Variants in GAD2 observed in about 807,000 individuals in gnomAD.
GAD2 encodes the protein glutamate decarboxylase 2.
Under a neutral mutation model 80.1 loss-of-function variants are expected in GAD2, and 22 were observed. That is an observed-to-expected ratio of 0.27 (90% CI 0.20 to 0.39). GAD2 has a LOEUF of 0.39. Ranked by LOEUF, GAD2 falls within the 10% of genes least tolerant of loss-of-function variation. The pLI, the probability that GAD2 is intolerant of heterozygous loss-of-function variation, is 1.00. For synonymous variants in GAD2, 274 were observed against 256.9 expected (o/e 1.07, Z -0.64); for missense variants, 624 against 738.4 (o/e 0.85, Z 1.80).
chr10:26,241,287 G>C lies in GAD2; in HGVS notation c.841-4634G>C, dbSNP rs561841235. Among the ~76,000 whole-genome samples the C allele has an allele frequency of 8.5e-5, 13 of 152,246 alleles. No homozygotes were observed. In the East Asian group the frequency reaches 2.5e-3, roughly 29 times the overall value. On this transcript the variant is annotated intron_variant, in intron 7 of 15. Coordinates refer to ENST00000376261, the MANE Select transcript of GAD2 (RefSeq NM_001134366.2). Reference sequence around the variant, plus strand: ...CAAGCCATTTTATTAATGAACAACTGATCATTACAAGAGTCTTGATTATTT... The same window carrying C: ...CAAGCCATTTTATTAATGAACAACTCATCATTACAAGAGTCTTGATTATTT...
rs778915025 is a variant in GAD2, at chr10:26,281,103, C to T, written c.1236+16C>T. ...TAGAGAAGAGGTATGTCTCTCTTGA[C>T]TCTGTGTCCCAGTCCGTGCGTGGGC... On this transcript the variant is annotated intron_variant, in intron 12 of 15. Coordinates refer to ENST00000376261, the MANE Select transcript of GAD2 (RefSeq NM_001134366.2). The T allele has an allele frequency of 1.5e-4, 239 of 1,586,844 alleles. 1 individual carries two copies. Among genetic ancestry groups the T allele is most frequent in the Non-Finnish European group, 2.0e-4 (230 of 1,155,740 alleles).
rs1834336401 is a variant in GAD2, at chr10:26,302,292, C to T, written c.*1331C>T. ...TTCTTCCATGAAATGAGCCTCTCAC[C>T]CTAGATTTTGAGGCATTATCTTAAG... is the stretch of plus-strand genomic sequence containing the variant. On this transcript the variant is annotated 3_prime_UTR_variant, in exon 16 of 16. Transcript: ENST00000376261. 2.6e-5 allele frequency: 4 copies of T among 151,900 alleles called. No homozygotes were observed. Among genetic ancestry groups the T allele is most frequent in the Non-Finnish European group, 4.4e-5 (3 of 68,002 alleles). The allele number at this position is 151,900 out of a possible 1,614,324, so 9.4% of individuals were successfully genotyped here. A position where few individuals can be genotyped will look rare whatever the true frequency, so the allele number is the denominator to read the frequency against.
rs1013957783 is a variant in GAD2 at position 26,302,238 on chromosome 10, G to C, written c.*1277G>C. 24 of 151,926 alleles carry C rather than the reference G, an allele frequency of 1.6e-4. No individual in the cohort carries two copies. Among genetic ancestry groups the C allele is most frequent in the Non-Finnish European group, 2.9e-5 (2 of 67,998 alleles). The allele number at this position is 151,926 out of a possible 1,614,324, so 9.4% of individuals were successfully genotyped here. ...CTCCCTACCACTGGGACCCAAAATA[G>C]TTACTTTATATTCCATGGGTGGTTG... On this transcript the variant is annotated 3_prime_UTR_variant, in exon 16 of 16. Transcript: ENST00000376261.
intron 8 of GAD2, among the ~76,000 whole-genome samples, chr10:26,254,135 C>T (rs1342942829): frequency 4.6e-5 from 7 of 152,218 alleles, no homozygotes; most frequent in Non-Finnish European, 1.0e-4. Context: ...CTCCCAGGTT[C>T]CAGTGATTCT....
chr10:26,217,629 G>A lies in GAD2; in HGVS notation c.96G>A (p.Val32=), dbSNP rs1844393181. 2.5e-6 allele frequency: 4 copies of A among 1,613,444 alleles called. No individual in the cohort carries two copies. Among genetic ancestry groups the A allele is most frequent in the African/African-American group, 1.3e-5 (1 of 74,938 alleles). The part of the protein sequence containing the change: ...NPGTARAWCQ[V]AQKFTGGIGN... ...TTGCAGCGCGAGCCTGGTGCCAAGTGGCTCAGAAGTTCACGGGCGGCATCG... is the reference window on the plus strand; with the variant it reads ...TTGCAGCGCGAGCCTGGTGCCAAGTAGCTCAGAAGTTCACGGGCGGCATCG... Residue 32 remains valine (V), a synonymous_variant, in exon 2 of 16, where the codon GTG becomes GTA. Coordinates refer to ENST00000376261, the MANE Select transcript of GAD2 (RefSeq NM_001134366.2). This position sits in a 1 kb window ranked among gnomAD's most constrained non-coding sequence, Gnocchi z 4.9.
At chr10:26,274,761 G>T (rs1019343460) in intron 11 of GAD2, among the ~76,000 whole-genome samples, 109 of 152,208 alleles carry the variant, frequency 7.2e-4, no homozygotes, top group African/African-American at 2.6e-3. Flanking sequence ...CGTGAGTGTG[G>T]AAAGAGAGGG....
At position 26,286,471 on chromosome 10, in the gene GAD2, C is replaced by T; in HGVS notation, c.1363C>T (p.Leu455=). Residue 455 remains leucine (L), a synonymous_variant, in exon 13 of 16, where the codon CTA becomes TTA. Transcript: ENST00000376261. ...CGGACGCCACGTTGATGTTTTTAAA[C>T]TATGGCTGATGTGGAGGGCAAAGGT... ...QCGRHVDVFK[L]WLMWRAKGTT... The T allele has an allele frequency of 1.9e-6, 3 of 1,613,678 alleles. No individual in the cohort carries two copies. The highest frequency in any genetic ancestry group is 2.5e-6 in the Non-Finnish European group (3 of 1,179,838).
intron 5 of GAD2, among the ~76,000 whole-genome samples, 191 bp from the exon 6 acceptor site, chr10:26,224,348 A>G (rs780827787): frequency 2.1e-4 from 32 of 152,178 alleles, no homozygotes; most frequent in Admixed American, 1.4e-3. Context: ...GGAGCTCTTG[A>G]CTGTAGGGAT....
At chr10:26,250,593 A>T (rs952754863) in intron 8 of GAD2, among the ~76,000 whole-genome samples, 8 of 152,298 alleles carry the variant, frequency 5.3e-5, no homozygotes, top group Admixed American at 3.9e-4. Flanking sequence ...GGGAAAAAAT[A>T]AGGCCTACGA....
chr10:26,235,707 A>G (rs903006452), intron 7 of GAD2, among the ~76,000 whole-genome samples: 4 of 152,158 alleles, frequency 2.6e-5, no homozygotes. Flanking sequence ...TCAGTCATAC[A>G]AAGGCTTGGC....
chr10:26,226,148 C>T (rs7080514), intron 6 of GAD2, among the ~76,000 whole-genome samples: 13,541 of 152,026 alleles, frequency 0.089, 2,008 homozygotes, highest in African/African-American at 0.31. Context: ...TAATGGTCCC[C>T]GGGAGTAGGG....
chr10:26,219,242 T>C lies in GAD2; in HGVS notation c.486T>C (p.His162=). ...AAAATTTGGAGGAAATTTTGATGCA[T>C]TGCCAAACAACTCTAAAATATGCAA... The part of the protein sequence containing the change: ...QPQNLEEILM[H]CQTTLKYAIK... Residue 162 remains histidine, a synonymous_variant, in exon 4 of 16, where the codon CAT becomes CAC. Coordinates refer to ENST00000376261, the MANE Select transcript of GAD2 (RefSeq NM_001134366.2). The C allele has an allele frequency of 6.2e-7, 1 of 1,613,012 alleles. No individual in the cohort carries two copies. The highest frequency in any genetic ancestry group is 1.3e-5 in the African/African-American group (1 of 75,046).
rs79037819 is a variant in GAD2 at position 26,271,771 on chromosome 10, T to A, written c.1092+1015T>A. On this transcript the variant is annotated intron_variant, in intron 10 of 15. Coordinates refer to ENST00000376261, the MANE Select transcript of GAD2 (RefSeq NM_001134366.2). ...GACCAAATTAATGCTCTTTTTTTTT[T>A]CTTTTTGAGACAGAGTCTTGCTCTG... Among the ~76,000 whole-genome samples the A allele has an allele frequency of 7.3e-3, 1,114 of 152,074 alleles. 17 individuals are homozygous for A. The highest frequency in any genetic ancestry group is 0.026 in the African/African-American group (1,058 of 41,396).
chr10:26,248,171 A>G (rs1844833071), intron 8 of GAD2, among the ~76,000 whole-genome samples: 1 of 152,228 alleles, frequency 6.6e-6, no homozygotes, highest in South Asian at 2.1e-4. Context: ...CAGAAGTTAC[A>G]GGCAAATTGC....
chr10:26,286,907 A>G (rs1360409704), intron 13 of GAD2, among the ~76,000 whole-genome samples: 1 of 152,178 alleles, frequency 6.6e-6, no homozygotes, highest in Non-Finnish European at 1.5e-5. Flanking sequence ...GCCCACCATG[A>G]TAGCTTATTT....
At chr10:26,218,592 C>G (rs866281698) in intron 3 of GAD2, among the ~76,000 whole-genome samples, 17 of 151,318 alleles carry the variant, frequency 1.1e-4, no homozygotes, top group African/African-American at 4.1e-4. Flanking sequence ...CACACACTGA[C>G]TTTAGAAACA....
rs537073152 is a variant in GAD2, at chr10:26,276,296, G to A, written c.1157+2596G>A. On this transcript the variant is annotated intron_variant, in intron 11 of 15. Transcript: ENST00000376261. ...TCCTTGCTAGCACTGTCAGAATGTC[G>A]AGAGATGGTGCCGCTGAGAGGGCAC... is the stretch of plus-strand genomic sequence containing the variant. Among the ~76,000 whole-genome samples, 9 of 152,214 alleles carry A rather than the reference G, an allele frequency of 5.9e-5. No homozygotes were observed. In the South Asian group the frequency reaches 1.7e-3, roughly 28 times the overall value.
intron 8 of GAD2, among the ~76,000 whole-genome samples, chr10:26,259,745 T>C (rs1844987350): frequency 1.3e-5 from 2 of 152,182 alleles, no homozygotes; most frequent in Admixed American, 6.5e-5. Flanking sequence ...TTTTGTTGCC[T>C]GAACCTTTGG....
chr10:26,264,316 T>A (rs921226154), intron 8 of GAD2, among the ~76,000 whole-genome samples: 1 of 150,248 alleles, frequency 6.7e-6, no homozygotes, highest in African/African-American at 2.4e-5. Flanking sequence ...TTCAAGCTTT[T>A]TTTTTTTTTT....
Sources: allele counts gnomAD v4.1 joint callset (sites outside exome capture counted in the v4.1 genomes callset), GRCh38; gene constraint gnomAD v4.1.1; non-coding constraint Gnocchi (gnomAD v3.1); transcripts MANE v1.5; gene names NCBI Gene and HGNC (gene_info 2026-07-23, HGNC 2026-07-21).